CSMD1: variants seen among roughly 807,000 people sequenced by gnomAD.
CSMD1 encodes the protein CUB and sushi domain-containing protein 1.
A neutral mutation model predicts 417.5 loss-of-function variants in CSMD1; 213 were observed. The ratio of observed to expected loss-of-function variants is 0.51; its 90% CI spans 0.46 to 0.57. The LOEUF (loss-of-function observed/expected upper bound fraction) is 0.57, where lower values mean the gene tolerates loss of function less well. Among genes scored for constraint, CSMD1 ranks in the 20% least tolerant of loss-of-function variants. The probability of loss-of-function intolerance (pLI) is 0.00; values close to 1 mark genes in which losing one functional copy is unlikely to be tolerated. For missense variants in CSMD1, 6,923 were observed against 4,529.7 expected (o/e 1.53, Z -15.17); for synonymous variants, 2,862 against 1,736.8 (o/e 1.65, Z -16.11).
intron 3 of CSMD1, among the ~76,000 whole-genome samples, chr8:4,206,663 A>C (rs1799999969): frequency 6.6e-6 from 1 of 152,240 alleles, no homozygotes; most frequent in Non-Finnish European, 1.5e-5. Flanking sequence ...ATGTGTCTTT[A>C]CAGCAGCATG....
chr8:4,894,980 T>C (rs1804381206), intron 1 of CSMD1, among the ~76,000 whole-genome samples: 1 of 152,204 alleles, frequency 6.6e-6, no homozygotes, highest in African/African-American at 2.4e-5. Flanking sequence ...CTTCCACTTT[T>C]CTGATCTACT....
At chr8:4,732,344 C>CGT (rs750818272) in intron 1 of CSMD1, among the ~76,000 whole-genome samples, 30,373 of 140,888 alleles carry the variant, frequency 0.22, 3,350 homozygotes, top group Admixed American at 0.25. Context: ...ATTTCTTCTG[C>CGT]GTGTGTGTGT....
At chr8:4,105,884 C>A (rs1441335305) in intron 3 of CSMD1, among the ~76,000 whole-genome samples, 1 of 152,222 alleles carries the variant, frequency 6.6e-6, no homozygotes, top group Non-Finnish European at 1.5e-5. Flanking sequence ...CAGGACACAG[C>A]TCGGCTCTGT....
intron 21 of CSMD1, among the ~76,000 whole-genome samples, chr8:3,351,475 G>A (rs1808416551): frequency 6.6e-6 from 1 of 151,794 alleles, no homozygotes; most frequent in Non-Finnish European, 1.5e-5. Context: ...GCTAGGCGTG[G>A]TGGCACATGC....
In CSMD1 at chr8:3,794,052, C is replaced by T. The variant is rs115465123; in HGVS notation, c.819-40010G>A. 6.1e-3 allele frequency among the ~76,000 whole-genome samples: 924 copies of T among 152,240 alleles called. 10 individuals carry two copies. The highest frequency in any genetic ancestry group is 0.021 in the African/African-American group (855 of 41,536). On this transcript the variant is annotated intron_variant, in intron 5 of 69. Coordinates refer to ENST00000635120, the MANE Select transcript of CSMD1 (RefSeq NM_033225.6). Reference sequence around the variant, plus strand: ...AAGACTTGCTACTCAAATGACGAACCGTGTTCCACCATCATTGGCTTCCCC... The same window carrying T: ...AAGACTTGCTACTCAAATGACGAACTGTGTTCCACCATCATTGGCTTCCCC...
intron 5 of CSMD1, among the ~76,000 whole-genome samples, chr8:3,827,181 G>A (rs1392747247): frequency 6.6e-6 from 1 of 152,096 alleles, no homozygotes; most frequent in East Asian, 1.9e-4. Context: ...TGTTCTTGAG[G>A]TATTACATAT....
chr8:4,852,233 G>T (rs1008677610), intron 1 of CSMD1, among the ~76,000 whole-genome samples: 1 of 152,178 alleles, frequency 6.6e-6, no homozygotes, highest in East Asian at 1.9e-4. Context: ...CCAAATCTCA[G>T]GTTGAAATGT....
intron 1 of CSMD1, among the ~76,000 whole-genome samples, chr8:4,875,643 G>A (rs1802999267): frequency 1.3e-5 from 2 of 152,056 alleles, no homozygotes; most frequent in Non-Finnish European, 2.9e-5. Context: ...ATTGGAAAAA[G>A]AAGAGAAATT....
At chr8:4,771,262 T>C (rs1020800995) in intron 1 of CSMD1, among the ~76,000 whole-genome samples, 3 of 152,332 alleles carry the variant, frequency 2.0e-5, no homozygotes. Context: ...CATTCTGTAA[T>C]TCCAAGTTTC....
intron 7 of CSMD1, among the ~76,000 whole-genome samples, chr8:3,635,431 C>T (rs1563219279): frequency 1.3e-5 from 2 of 151,394 alleles, no homozygotes; most frequent in Non-Finnish European, 2.9e-5. Flanking sequence ...TTGCAGTGAG[C>T]CGAGAGTGCA....
At chr8:3,190,196 G>C in intron 33 of CSMD1, 81 bp from the exon 34 acceptor site, 1 of 1,053,768 alleles carries the variant, frequency 9.5e-7, no homozygotes, top group Non-Finnish European at 1.4e-6. Flanking sequence ...GTTTAAGATG[G>C]GACCAAGGAG....
intron 3 of CSMD1, among the ~76,000 whole-genome samples, chr8:4,259,072 G>A (rs981336434): frequency 6.6e-6 from 1 of 152,108 alleles, no homozygotes; most frequent in Non-Finnish European, 1.5e-5. Context: ...GAGTTTGAAC[G>A]CTGATGATTT....
intron 1 of CSMD1, among the ~76,000 whole-genome samples, chr8:4,889,287 C>T (rs1342629220): frequency 1.3e-5 from 2 of 152,094 alleles, no homozygotes; most frequent in East Asian, 1.9e-4. Flanking sequence ...TAAATTGAAT[C>T]ATGAGGAAAC....
At chr8:4,349,585 G>C (rs891063647) in intron 3 of CSMD1, among the ~76,000 whole-genome samples, 4 of 152,000 alleles carry the variant, frequency 2.6e-5, no homozygotes, top group Admixed American at 6.5e-5. Context: ...TCAACATTTA[G>C]CAACCAAATT....
At chr8:4,058,778 C>A (rs916835169) in intron 3 of CSMD1, among the ~76,000 whole-genome samples, 4 of 145,188 alleles carry the variant, frequency 2.8e-5, no homozygotes, top group Non-Finnish European at 6.0e-5. Context: ...ACAGGAGCAC[C>A]CAGATTCATA....
At chr8:4,319,626 T>C (rs112354321) in intron 3 of CSMD1, among the ~76,000 whole-genome samples, 1,713 of 152,042 alleles carry the variant, frequency 0.011, 33 homozygotes, top group African/African-American at 0.04. Context: ...AACAAAAGGG[T>C]GAATTACTTA....
intron 1 of CSMD1, among the ~76,000 whole-genome samples, chr8:4,909,441 G>A (rs918685705): frequency 3.9e-5 from 6 of 152,074 alleles, no homozygotes; most frequent in African/African-American, 1.4e-4. Context: ...AGGCTAAAGG[G>A]GTCTGTCTGA....
intron 2 of CSMD1, among the ~76,000 whole-genome samples, chr8:4,623,707 G>A (rs1286145320): frequency 6.6e-6 from 1 of 152,050 alleles, no homozygotes; most frequent in Non-Finnish European, 1.5e-5. Flanking sequence ...ATTATTCTGA[G>A]TGAAAGAAGT....
chr8:4,918,319 G>A (rs1290293983), intron 1 of CSMD1, among the ~76,000 whole-genome samples: 2 of 152,148 alleles, frequency 1.3e-5, no homozygotes, highest in East Asian at 1.9e-4. Flanking sequence ...ATCACAAAGT[G>A]TATTGCCTTC....
Sources: allele counts gnomAD v4.1 joint callset (sites outside exome capture counted in the v4.1 genomes callset), GRCh38; gene constraint gnomAD v4.1.1; transcripts MANE v1.5; gene names NCBI Gene and HGNC (gene_info 2026-07-23, HGNC 2026-07-21).